The following HDAC9 variants were observed in gnomAD, a reference collection of about 807,000 sequenced individuals.
HDAC9 encodes the protein MEF-2 interacting transcription repressor (MITR) protein.
In HDAC9, 41 loss-of-function variants were observed where a neutral mutation model predicts 139.4. The ratio of observed to expected loss-of-function variants is 0.29; its 90% CI spans 0.23 to 0.38. The LOEUF is 0.38. HDAC9 is among the 10% of genes least tolerant of loss of function. The pLI is 1.00. For synonymous variants in HDAC9, 517 were observed against 476.2 expected, an observed-to-expected ratio of 1.09 and a Z score of -1.12; for missense variants, 1,147 against 1,297.0, an observed-to-expected ratio of 0.88 and a Z score of 1.78.
At position 18,793,467 on chromosome 7, in the gene HDAC9, G is replaced by A. The variant is rs763511646; in HGVS notation, c.2322+15G>A. ...GAGAGCTGAAGGTGAGGTCCGGGTT[G>A]CATTAAGTGTGGGAAATCCAGAGAA... On this transcript the variant is annotated intron_variant, in intron 17 of 25. Coordinates refer to ENST00000686413, the MANE Select transcript of HDAC9 (RefSeq NM_178425.4). 10 of 1,488,246 alleles carry A rather than the reference G, an allele frequency of 6.7e-6. No individual in the cohort carries two copies. Among genetic ancestry groups the A allele is most frequent in the Non-Finnish European group, 9.2e-6 (10 of 1,086,226 alleles). The allele number at this position is 1,488,246 out of a possible 1,614,324, so 92.2% of individuals were successfully genotyped here. A position where few individuals can be genotyped will look rare whatever the true frequency, so the allele number is the denominator to read the frequency against.
At chr7:18,677,390 G>T (rs1450729175) in intron 12 of HDAC9, among the ~76,000 whole-genome samples, 1 of 151,762 alleles carries the variant, frequency 6.6e-6, no homozygotes, top group Non-Finnish European at 1.5e-5. Context: ...TTTGTCTATT[G>T]ATGGAAATGT....
At chr7:18,155,073 TTTTCTTTC>T (rs34168137) in intron 1 of HDAC9, among the ~76,000 whole-genome samples, 3 of 148,872 alleles carry the variant, frequency 2.0e-5, no homozygotes, top group Admixed American at 1.3e-4. Context: ...ACAAAGCTTT[TTTTCTTTC>T]TTTCTTTCTT....
At chr7:18,327,012 T>C (rs1379750567) in intron 1 of HDAC9, among the ~76,000 whole-genome samples, 1 of 151,966 alleles carries the variant, frequency 6.6e-6, no homozygotes, top group African/African-American at 2.4e-5. Context: ...AGGAATTCTT[T>C]TTTTATAGTT....
chr7:18,994,666 T>G (rs1206286326), intron 25 of HDAC9, among the ~76,000 whole-genome samples: 1 of 152,192 alleles, frequency 6.6e-6, no homozygotes, highest in Admixed American at 6.5e-5. Flanking sequence ...GTTAAAATCT[T>G]TCTTTTAATG....
intron 12 of HDAC9, among the ~76,000 whole-genome samples, chr7:18,710,531 C>A (rs1784270016): frequency 6.6e-6 from 1 of 152,124 alleles, no homozygotes; most frequent in Admixed American, 6.5e-5. Flanking sequence ...TATATACACA[C>A]ATACATATTC....
intron 1 of HDAC9, among the ~76,000 whole-genome samples, chr7:18,339,033 A>G (rs1781793712): frequency 2.0e-5 from 3 of 151,510 alleles, no homozygotes; most frequent in Non-Finnish European, 4.4e-5. Flanking sequence ...TAAGTTTTCA[A>G]ATGTATAGGC....
At chr7:18,461,353 T>G (rs1250186153) in intron 1 of HDAC9, among the ~76,000 whole-genome samples, 1 of 152,194 alleles carries the variant, frequency 6.6e-6, no homozygotes, top group Non-Finnish European at 1.5e-5. Context: ...GTTAAAATGG[T>G]AAAGGGAGAA....
intron 6 of HDAC9, among the ~76,000 whole-genome samples, chr7:18,598,647 T>C (rs1433340968): frequency 6.6e-6 from 1 of 152,208 alleles, no homozygotes. Flanking sequence ...CTCTTGACTG[T>C]ATGCTTGTAT....
chr7:18,976,218 C>T (rs1290787883), intron 25 of HDAC9, among the ~76,000 whole-genome samples: 1 of 152,198 alleles, frequency 6.6e-6, no homozygotes, highest in Non-Finnish European at 1.5e-5. Context: ...AAAAATCACG[C>T]CTTATCAGAT....
intron 1 of HDAC9, among the ~76,000 whole-genome samples, chr7:18,110,580 A>C (rs1454523479): frequency 6.6e-6 from 1 of 152,180 alleles, no homozygotes; most frequent in Non-Finnish European, 1.5e-5. Context: ...GGGAAGCCAG[A>C]TGGAGTCCTG....
rs560521127 is a variant in HDAC9 at position 18,243,020 on chromosome 7, G to A, written c.25+80671G>A. ...TAGCTATTTGCATATGAAAAGATGT[G>A]GAAGGTTACTTATCAAAATATTAAC... On this transcript the variant is annotated intron_variant, in intron 2 of 12. Coordinates refer to the HDAC9 transcript ENST00000417496. Among the ~76,000 whole-genome samples, 594 of 133,116 alleles carry A rather than the reference G, an allele frequency of 4.5e-3. 1 individual carries two copies. The highest frequency in any genetic ancestry group is 7.5e-3 in the Non-Finnish European group (469 of 62,818). The allele number at this position is 133,116 out of a possible 152,430, so 87.3% of individuals were successfully genotyped here.
At chr7:18,524,794 T>A (rs189945258) in intron 2 of HDAC9, among the ~76,000 whole-genome samples, 112 of 151,146 alleles carry the variant, frequency 7.4e-4, no homozygotes, top group African/African-American at 2.6e-3. Context: ...AACCCCTGAG[T>A]TGAAGAGTAG....
chr7:18,964,773 CACTG>C (rs1360564588), intron 24 of HDAC9, among the ~76,000 whole-genome samples: 8 of 152,260 alleles, frequency 5.3e-5, no homozygotes, highest in African/African-American at 1.7e-4. Context: ...CCTGAGAACT[CACTG>C]ACTATCATGA....
At chr7:18,706,696 A>G (rs1244439694) in intron 12 of HDAC9, among the ~76,000 whole-genome samples, 1 of 152,188 alleles carries the variant, frequency 6.6e-6, no homozygotes, top group Non-Finnish European at 1.5e-5. Flanking sequence ...TGCTACTGGC[A>G]TCTAGTGGGT....
At chr7:18,807,183 G>C (rs1249812976) in intron 17 of HDAC9, among the ~76,000 whole-genome samples, 1 of 152,072 alleles carries the variant, frequency 6.6e-6, no homozygotes, top group Non-Finnish European at 1.5e-5. Flanking sequence ...TTTCTCAGCA[G>C]GATATATGTG....
intron 1 of HDAC9, among the ~76,000 whole-genome samples, chr7:18,147,566 A>G (rs1021626540): frequency 3.9e-5 from 6 of 152,056 alleles, no homozygotes; most frequent in Non-Finnish European, 7.4e-5. Flanking sequence ...TCAGAAAAAT[A>G]TGAATAATAA....
At chr7:18,688,777 G>A (rs1445430370) in intron 12 of HDAC9, among the ~76,000 whole-genome samples, 2 of 151,904 alleles carry the variant, frequency 1.3e-5, no homozygotes, top group African/African-American at 4.8e-5. Flanking sequence ...GAGCAGGGCA[G>A]AGGTCACTAG....
At chr7:18,613,550 T>C (rs892233245) in intron 6 of HDAC9, among the ~76,000 whole-genome samples, 3 of 152,084 alleles carry the variant, frequency 2.0e-5, no homozygotes, top group African/African-American at 7.2e-5. Context: ...AACAATGAAA[T>C]AGAAAAAAAC....
intron 25 of HDAC9, among the ~76,000 whole-genome samples, chr7:18,982,361 A>C (rs903487370): frequency 6.6e-6 from 1 of 152,106 alleles, no homozygotes; most frequent in Middle Eastern, 3.2e-3. Context: ...TTCCATTAAC[A>C]TAAAGATCAT....
Sources: gnomAD v4.1 joint callset for allele counts (sites outside exome capture counted in the v4.1 genomes callset) on GRCh38, gnomAD v4.1.1 for gene constraint, MANE v1.5 for transcripts, NCBI Gene and HGNC (gene_info 2026-07-23, HGNC 2026-07-21) for gene names.